The following ZNF148 variants were observed in gnomAD, a reference collection of about 807,000 sequenced individuals.
ZNF148 encodes the protein zinc finger protein 148.
A neutral mutation model predicts 67.7 loss-of-function variants in ZNF148; 7 were observed. That is an observed-to-expected ratio of 0.10 (90% CI 0.06 to 0.19). The LOEUF (loss-of-function observed/expected upper bound fraction) is 0.19. Ranked by LOEUF, ZNF148 falls within the 10% of genes least tolerant of loss-of-function variation. The pLI is 1.00. For synonymous variants in ZNF148, 333 were observed against 330.7 expected (o/e 1.01, Z -0.08); for missense variants, 583 against 947.1 (o/e 0.62, Z 5.05).
intron 6 of ZNF148, 119 bp from the exon 7 acceptor site, chr3:125,277,928 T>TA: frequency 1.5e-6 from 1 of 655,306 alleles, no homozygotes; most frequent in Non-Finnish European, 2.4e-6. Context: ...AAAATAGCCA[T>TA]ACAAATTTTT....
At chr3:125,373,571 G>A (rs1043265863) in intron 1 of ZNF148, among the ~76,000 whole-genome samples, 1 of 151,866 alleles carries the variant, frequency 6.6e-6, no homozygotes, top group Non-Finnish European at 1.5e-5. Flanking sequence ...CTCTAGAGTC[G>A]TCCAGTCTCC....
At chr3:125,243,724 T>G (rs1368461794) in intron 7 of ZNF148, among the ~76,000 whole-genome samples, 1 of 152,060 alleles carries the variant, frequency 6.6e-6, no homozygotes, top group Non-Finnish European at 1.5e-5. Context: ...CAGGGTCTTG[T>G]TACGGTGTCC....
chr3:125,318,446 G>A (rs1377133213), intron 3 of ZNF148, among the ~76,000 whole-genome samples: 5 of 151,926 alleles, frequency 3.3e-5, no homozygotes, highest in African/African-American at 4.8e-5. Flanking sequence ...GAAGAGAGGA[G>A]GAAAGAAAGA....
chr3:125,234,352 TA>T, intron 7 of ZNF148, 23 bp from the exon 8 acceptor site: 2 of 1,475,310 alleles, frequency 1.4e-6, no homozygotes, highest in South Asian at 2.5e-5. Context: ...ATAGAAAGTT[TA>T]AAACAAAACA....
In ZNF148 at chr3:125,232,363, G is replaced by C. The variant is rs778559246; in HGVS notation, c.2363C>G (p.Thr788Arg). ...RAGMTSSPDA[T>R]TGQTFG ...TTTTTAGCCAAAAGTCTGGCCAGTT[G>C]TGGCATCAGGTGAAGATGTCATCCC... Residue 788 changes from threonine (T) to arginine (R), a missense_variant, in exon 9 of 9, where the codon ACA becomes AGA. By Grantham distance (71) the Thr-to-Arg change is moderately conservative (BLOSUM62 -1). Coordinates refer to ENST00000360647, the MANE Select transcript of ZNF148 (RefSeq NM_021964.3). This position sits in a 1 kb window ranked among gnomAD's most constrained non-coding sequence, Gnocchi z 4.2. 6.3e-7 allele frequency: 1 copy of C among 1,591,792 alleles called. No individual in the cohort carries two copies. Among genetic ancestry groups the C allele is most frequent in the Non-Finnish European group, 8.6e-7 (1 of 1,166,344 alleles).
At position 125,227,944 on chromosome 3, in the gene ZNF148, A is replaced by C. The variant is rs531024000; in HGVS notation, c.*4397T>G. The C allele has an allele frequency of 3.3e-5, 5 of 152,680 alleles. No homozygotes were observed. The highest frequency in any genetic ancestry group is 2.9e-5 in the Non-Finnish European group (2 of 68,018). 9.5% of individuals were successfully genotyped at this position (152,680 alleles called of 1,614,324 possible). On this transcript the variant is annotated 3_prime_UTR_variant, in exon 9 of 9. Transcript: ENST00000360647. Reference sequence around the variant, plus strand: ...AGCTGTCCTGTACAGTATAATATCTACTCACTTGAAACTATAATAGGTTTG... The same window carrying C: ...AGCTGTCCTGTACAGTATAATATCTCCTCACTTGAAACTATAATAGGTTTG...
chr3:125,226,856 A>G lies in ZNF148; in HGVS notation c.*5485T>C, dbSNP rs974518833. ...TACTGATGTAAAAGTTTATATTTAA[A>G]AATATCACAAATCTCTTTTTATTTA... On this transcript the variant is annotated 3_prime_UTR_variant, in exon 9 of 9. Coordinates refer to ENST00000360647, the MANE Select transcript of ZNF148 (RefSeq NM_021964.3). 1.3e-5 allele frequency: 2 copies of G among 152,244 alleles called. No individual in the cohort carries two copies. Among genetic ancestry groups the G allele is most frequent in the African/African-American group, 4.8e-5 (2 of 41,464 alleles). 9.4% of individuals were successfully genotyped at this position (152,244 alleles called of 1,614,324 possible). A position where few individuals can be genotyped will look rare whatever the true frequency, so the allele number is the denominator to read the frequency against.
At chr3:125,237,639 G>T (rs1936153159) in intron 7 of ZNF148, among the ~76,000 whole-genome samples, 1 of 152,074 alleles carries the variant, frequency 6.6e-6, no homozygotes, top group Admixed American at 6.5e-5. Context: ...ATTAACGTCA[G>T]AAGTTACAGT....
At chr3:125,332,970 T>C (rs1941348512) in intron 1 of ZNF148, among the ~76,000 whole-genome samples, 1 of 152,178 alleles carries the variant, frequency 6.6e-6, no homozygotes, top group African/African-American at 2.4e-5. Context: ...TAAAATTGAA[T>C]AGAAAAGGAC....
At chr3:125,343,760 C>A (rs879638201) in intron 1 of ZNF148, among the ~76,000 whole-genome samples, 1 of 152,090 alleles carries the variant, frequency 6.6e-6, no homozygotes, top group African/African-American at 2.4e-5. Flanking sequence ...TCAAAATAAA[C>A]CTTGCTACCG....
chr3:125,369,889 T>C lies in ZNF148; in HGVS notation c.-234+5213A>G, dbSNP rs533775191. ...TACTTGGGAGGCTGAGGCAGGAGAA[T>C]TGTTTGAACCCAGGAGGCGGAGTTT... is the stretch of plus-strand genomic sequence containing the variant. On this transcript the variant is annotated intron_variant, in intron 1 of 8. Transcript: ENST00000360647. Among the ~76,000 whole-genome samples, 7 of 117,130 alleles carry C rather than the reference T, an allele frequency of 6.0e-5. No homozygotes were observed. The East Asian group carries it at 1.1e-3, about 18-fold the overall frequency. 76.8% of individuals were successfully genotyped at this position (117,130 alleles called of 152,430 possible). A position where few individuals can be genotyped will look rare whatever the true frequency, so the allele number is the denominator to read the frequency against.
At chr3:125,303,871 T>C (rs114549273) in intron 4 of ZNF148, among the ~76,000 whole-genome samples, 177 of 152,154 alleles carry the variant, frequency 1.2e-3, no homozygotes, top group African/African-American at 4.1e-3. Context: ...CATAAAGTAC[T>C]CAACATGGGA....
At chr3:125,333,330 A>T (rs1941364817) in intron 1 of ZNF148, among the ~76,000 whole-genome samples, 1 of 152,200 alleles carries the variant, frequency 6.6e-6, no homozygotes, top group Admixed American at 6.5e-5. Context: ...AAAATAATAT[A>T]ACCTCAAAGT....
At chr3:125,326,421 G>GAT (rs1245117749) in intron 2 of ZNF148, among the ~76,000 whole-genome samples, 1 of 151,792 alleles carries the variant, frequency 6.6e-6, no homozygotes, top group African/African-American at 2.4e-5. Flanking sequence ...TTATCTTACT[G>GAT]ATAATAAGCA....
Position 125,233,184 on chromosome 3 carries a change from C to T in ZNF148, c.1542G>A (p.Thr514=), listed in dbSNP as rs145905992. Residue 514 remains threonine (T), a synonymous_variant, in exon 9 of 9, where the codon ACG becomes ACA. Transcript: ENST00000360647. This position sits in a 1 kb window ranked among gnomAD's most constrained non-coding sequence, Gnocchi z 5.1. ...AVASVIDEST[T]ASILESQALN... ...GTGCCTGTGACTCTAATATGGATGCCGTGGTACTTTCATCAATGACACTTG... is the reference window on the plus strand; with the variant it reads ...GTGCCTGTGACTCTAATATGGATGCTGTGGTACTTTCATCAATGACACTTG... 1.1e-4 allele frequency: 171 copies of T among 1,613,814 alleles called. No individual in the cohort carries two copies. In the South Asian group the frequency reaches 1.3e-3, roughly 12 times the overall value.
intron 7 of ZNF148, among the ~76,000 whole-genome samples, chr3:125,247,365 C>T (rs939951547): frequency 2.6e-5 from 4 of 152,094 alleles, no homozygotes; most frequent in Non-Finnish European, 4.4e-5. Flanking sequence ...TGAAATTACA[C>T]ATTTATATAC....
intron 7 of ZNF148, among the ~76,000 whole-genome samples, chr3:125,238,500 C>G (rs1936195624): frequency 6.6e-6 from 1 of 151,866 alleles, no homozygotes; most frequent in African/African-American, 2.4e-5. Context: ...TGGTGGCACA[C>G]TCCTGTAATC....
intron 7 of ZNF148, among the ~76,000 whole-genome samples, chr3:125,264,601 T>A (rs922638561): frequency 2.6e-5 from 4 of 152,194 alleles, no homozygotes; most frequent in Admixed American, 2.6e-4. Context: ...CATTTGAGAA[T>A]CAGAGTTCCA....
At chr3:125,304,491 G>T (rs1345118554) in intron 4 of ZNF148, among the ~76,000 whole-genome samples, 1 of 152,062 alleles carries the variant, frequency 6.6e-6, no homozygotes, top group Non-Finnish European at 1.5e-5. Context: ...CGCAGGGCAG[G>T]GGTAGCAAGT....
Sources: allele counts gnomAD v4.1 joint callset (sites outside exome capture counted in the v4.1 genomes callset), GRCh38; gene constraint gnomAD v4.1.1; non-coding constraint Gnocchi (gnomAD v3.1); transcripts MANE v1.5; gene names NCBI Gene and HGNC (gene_info 2026-07-23, HGNC 2026-07-21).